Variants in GRIK4 observed in about 807,000 individuals in gnomAD.
The protein encoded by GRIK4 is glutamate ionotropic receptor kainate type subunit 4, also known as glutamate receptor ionotropic, kainate 4.
In GRIK4, 40 loss-of-function variants were observed where a neutral mutation model predicts 104.9. That is an observed-to-expected ratio of 0.38 (90% CI 0.30 to 0.50). GRIK4 has a LOEUF of 0.50. Among genes scored for constraint, GRIK4 ranks in the 20% least tolerant of loss-of-function variants. The pLI is 0.93. For missense variants in GRIK4, 1,047 were observed against 1,308.1 expected, an observed-to-expected ratio of 0.80 and a Z score of 3.08; for synonymous variants, 485 against 524.9, an observed-to-expected ratio of 0.92 and a Z score of 1.04.
At position 120,986,246 on chromosome 11, in the gene GRIK4, A is replaced by C. The variant is rs748849376; in HGVS notation, c.2857A>C (p.Ser953Arg). 1 of 1,549,014 alleles carries C rather than the reference A, an allele frequency of 6.5e-7. No homozygotes were observed. Among genetic ancestry groups the C allele is most frequent in the Non-Finnish European group, 8.6e-7 (1 of 1,156,318 alleles). The change falls in exon 21 of 21, where the codon AGC (serine) becomes CGC (arginine). Residue 953 changes from serine to arginine, a missense_variant. Coordinates refer to ENST00000527524, the MANE Select transcript of GRIK4 (RefSeq NM_014619.5). Reference sequence around the variant, plus strand: ...GGAGTGGGAGAAAACCACCAACAGCAGCGAGCCCGAGTAGTCCCGGAGGCC... The same window carrying C: ...GGAGTGGGAGAAAACCACCAACAGCCGCGAGCCCGAGTAGTCCCGGAGGCC... ...SLEWEKTTNS[S>R]EPE
chr11:120,930,003 G>GGA (rs1555096689), intron 13 of GRIK4, among the ~76,000 whole-genome samples: 9 of 110,722 alleles, frequency 8.1e-5, no homozygotes, highest in Admixed American at 1.6e-4. Context: ...GGCCACGTTT[G>GGA]GGGGGGGGGT....
intron 1 of GRIK4, among the ~76,000 whole-genome samples, chr11:120,515,511 G>T (rs910977458): frequency 6.6e-6 from 1 of 152,192 alleles, no homozygotes; most frequent in African/African-American, 2.4e-5. Context: ...CTGAGTGGCC[G>T]CCTTCTGCTC....
At chr11:120,879,658 A>G (rs923903015) in intron 11 of GRIK4, among the ~76,000 whole-genome samples, 4 of 152,158 alleles carry the variant, frequency 2.6e-5, no homozygotes, top group African/African-American at 9.7e-5. Flanking sequence ...GTCAGGGACA[A>G]TTCCCTGTTG....
intron 8 of GRIK4, among the ~76,000 whole-genome samples, chr11:120,850,068 G>C (rs901266193): frequency 6.6e-6 from 1 of 152,108 alleles, no homozygotes; most frequent in Admixed American, 6.6e-5. Flanking sequence ...ACCATTCTTG[G>C]GTCCTTTCCC....
intron 2 of GRIK4, among the ~76,000 whole-genome samples, chr11:120,658,156 C>CTT (rs113425829): frequency 4.7e-5 from 7 of 150,146 alleles, no homozygotes; most frequent in African/African-American, 1.2e-4. Context: ...TTGTACCAGT[C>CTT]TTTTTTTTTG....
At chr11:120,934,567 C>A (rs897659531) in intron 13 of GRIK4, among the ~76,000 whole-genome samples, 16 of 152,172 alleles carry the variant, frequency 1.1e-4, no homozygotes, top group Non-Finnish European at 2.4e-4. Flanking sequence ...CTATTAATCT[C>A]CAGGAGGCCA....
At chr11:120,572,173 C>G (rs773694678) in intron 1 of GRIK4, among the ~76,000 whole-genome samples, 13 of 152,178 alleles carry the variant, frequency 8.5e-5, no homozygotes, top group Non-Finnish European at 1.9e-4. Context: ...AGTTCTGTGT[C>G]TCTTTGAGAG....
chr11:120,885,361 T>TG (rs1467094395), intron 11 of GRIK4, among the ~76,000 whole-genome samples: 1 of 151,678 alleles, frequency 6.6e-6, no homozygotes, highest in Non-Finnish European at 1.5e-5. Flanking sequence ...AAGAGGAAGT[T>TG]GGGGTGTAGG....
intron 6 of GRIK4, among the ~76,000 whole-genome samples, chr11:120,829,110 C>T (rs1953353134): frequency 6.6e-6 from 1 of 152,210 alleles, no homozygotes; most frequent in African/African-American, 2.4e-5. Flanking sequence ...ATGCTCCATT[C>T]TAGGACGTGG....
intron 9 of GRIK4, among the ~76,000 whole-genome samples, chr11:120,862,922 C>A (rs1954300798): frequency 6.6e-6 from 1 of 152,200 alleles, no homozygotes; most frequent in Non-Finnish European, 1.5e-5. Flanking sequence ...GTGATGCTAA[C>A]TCCAACTTCC....
intron 3 of GRIK4, among the ~76,000 whole-genome samples, chr11:120,730,219 G>T (rs1235438490): frequency 6.6e-6 from 1 of 152,058 alleles, no homozygotes; most frequent in African/African-American, 2.4e-5. Context: ...TTAGCCAGGT[G>T]TGGTGGTGTC....
At chr11:120,686,136 G>T (rs74488178) in intron 3 of GRIK4, among the ~76,000 whole-genome samples, 11 of 152,028 alleles carry the variant, frequency 7.2e-5, no homozygotes, top group Admixed American at 1.3e-4. Context: ...GTGGCACATC[G>T]TAAGCGCATA....
At chr11:120,908,849 C>T (rs1450515272) in intron 13 of GRIK4, among the ~76,000 whole-genome samples, 1 of 152,228 alleles carries the variant, frequency 6.6e-6, no homozygotes, top group Non-Finnish European at 1.5e-5. Context: ...TGGCCACCTT[C>T]AAAGAAGTTG....
intron 1 of GRIK4, among the ~76,000 whole-genome samples, chr11:120,587,762 T>C (rs1201232223): frequency 3.3e-5 from 5 of 152,202 alleles, no homozygotes; most frequent in Non-Finnish European, 7.4e-5. Flanking sequence ...CCTGCTGGAC[T>C]ACCTGGCCAG....
At chr11:120,699,096 C>T (rs1368397538) in intron 3 of GRIK4, among the ~76,000 whole-genome samples, 3 of 152,222 alleles carry the variant, frequency 2.0e-5, no homozygotes, top group East Asian at 1.9e-4. Flanking sequence ...TCATATTTCC[C>T]GTTGCCACTG....
chr11:120,942,529 C>A (rs1591311560), intron 14 of GRIK4, among the ~76,000 whole-genome samples: 1 of 152,268 alleles, frequency 6.6e-6, no homozygotes, highest in East Asian at 1.9e-4. Context: ...CATCAGGAAC[C>A]AGATGGCAGA....
At chr11:120,586,256 T>C (rs1004660473) in intron 1 of GRIK4, among the ~76,000 whole-genome samples, 1 of 151,894 alleles carries the variant, frequency 6.6e-6, no homozygotes, top group African/African-American at 2.4e-5. Flanking sequence ...AGAGATAATC[T>C]AGGGGGTGGT....
At chr11:120,628,981 C>T (rs1369403992) in intron 1 of GRIK4, among the ~76,000 whole-genome samples, 1 of 152,194 alleles carries the variant, frequency 6.6e-6, no homozygotes, top group Admixed American at 6.5e-5. Context: ...TAGGAACTCG[C>T]AGTCTAGTCA....
intron 3 of GRIK4, among the ~76,000 whole-genome samples, chr11:120,674,914 A>T: frequency 6.6e-6 from 1 of 152,178 alleles, no homozygotes; most frequent in Admixed American, 6.5e-5. Context: ...TGCAGCCTGG[A>T]GAAGAGGGAG....
Sources: allele counts gnomAD v4.1 joint callset (sites outside exome capture counted in the v4.1 genomes callset), GRCh38; gene constraint gnomAD v4.1.1; transcripts MANE v1.5; gene names NCBI Gene and HGNC (gene_info 2026-07-23, HGNC 2026-07-21).